GNB5: variants seen among roughly 807,000 people sequenced by gnomAD.
GNB5 encodes the protein G protein subunit beta 5.
GNB5 carries 37 observed loss-of-function variants against 55.3 expected under a neutral mutation model. The observed-to-expected ratio is 0.67, with a 90% confidence interval of 0.51 to 0.88. The LOEUF (loss-of-function observed/expected upper bound fraction) is 0.88. Among genes scored for constraint, GNB5 ranks in the 40% least tolerant of loss-of-function variants. The pLI is 0.00. For synonymous variants in GNB5, 219 were observed against 198.5 expected (o/e 1.10, Z -0.87); for missense variants, 476 against 515.3 (o/e 0.92, Z 0.74).
chr15:52,128,926 G>C, intron 9 of GNB5: 1 of 322,536 alleles, frequency 3.1e-6, no homozygotes, highest in Non-Finnish European at 6.1e-6. Flanking sequence ...TCACCCAGCT[G>C]TGTTCCCCAC....
chr15:52,142,462 ATTTG>A (rs1056177175), intron 6 of GNB5, among the ~76,000 whole-genome samples: 3 of 151,730 alleles, frequency 2.0e-5, no homozygotes, highest in African/African-American at 4.8e-5. Context: ...ACACCCATAA[ATTTG>A]TTTTTTTTTC....
intron 3 of GNB5, among the ~76,000 whole-genome samples, chr15:52,172,952 T>TA (rs1300449118): frequency 2.6e-5 from 4 of 152,096 alleles, no homozygotes; most frequent in Non-Finnish European, 5.9e-5. Context: ...TTTTACTGAA[T>TA]AAAAAAAATC....
intron 2 of GNB5, 41 bp downstream of exon 2, chr15:52,184,510 T>G: frequency 6.3e-7 from 1 of 1,584,958 alleles, no homozygotes; most frequent in Non-Finnish European, 8.7e-7. Context: ...CGCTTGACTG[T>G]TTTAAGACAG....
chr15:52,168,651 C>CA (rs2034495690), intron 3 of GNB5, among the ~76,000 whole-genome samples: 1 of 152,088 alleles, frequency 6.6e-6, no homozygotes, highest in African/African-American at 2.4e-5. Flanking sequence ...AAAGAGAGCC[C>CA]ATATAGCCAA....
At chr15:52,128,648 G>A (rs1048355616) in intron 9 of GNB5, 9 of 480,700 alleles carry the variant, frequency 1.9e-5, no homozygotes, top group South Asian at 4.6e-5. Context: ...TACTACCTGC[G>A]ATACTTTTGG....
In GNB5 at chr15:52,124,556, CA is replaced by C. The variant is rs1261069673; in HGVS notation, c.1092del (p.Phe364LeufsTer57). 3 of 1,613,630 alleles carry C rather than the reference CA, an allele frequency of 1.9e-6. No homozygotes were observed. The highest frequency in any genetic ancestry group is 2.2e-5 in the South Asian group (2 of 91,080). On this transcript the variant is annotated frameshift_variant, in exon 12 of 13. Coordinates refer to ENST00000261837, the MANE Select transcript of GNB5 (RefSeq NM_016194.4). LOFTEE classifies it high-confidence loss of function. ...AGAGTGCTAACGCGGTTTTCATGTC[CA>C]AACAGGATGGAGACCCGGGACCCTT... The part of the protein sequence containing the change: ...VLKGSRVSIL[F>X]GHENRVSTLR...
In GNB5 at chr15:52,148,803, C is replaced by A. The variant is rs2034031807; in HGVS notation, c.417+1081G>T. Among the ~76,000 whole-genome samples, 8 of 152,322 alleles carry A rather than the reference C, an allele frequency of 5.3e-5. No homozygotes were observed. The South Asian group carries it at 1.5e-3, about 28-fold the overall frequency. The stretch of plus-strand genomic sequence containing the variant: ...TTCAGAGGCCAAGAATAATCTACTG[C>A]TCTCCAGAGAACGAGCTGAGGTAGC... On this transcript the variant is annotated intron_variant, in intron 5 of 12. Transcript: ENST00000261837.
At chr15:52,164,201 G>A (rs576353921) in intron 3 of GNB5, among the ~76,000 whole-genome samples, 9 of 151,616 alleles carry the variant, frequency 5.9e-5, no homozygotes, top group Non-Finnish European at 1.0e-4. Flanking sequence ...CCAGCTACTC[G>A]GGGGGCTGAG....
chr15:52,121,600 T>C lies in GNB5; in HGVS notation c.*1157A>G, dbSNP rs1170458362. 2.0e-5 allele frequency: 3 copies of C among 148,042 alleles called. No homozygotes were observed. The highest frequency in any genetic ancestry group is 7.6e-5 in the African/African-American group (3 of 39,328). 9.2% of individuals were successfully genotyped at this position (148,042 alleles called of 1,614,324 possible). A position where few individuals can be genotyped will look rare whatever the true frequency, so the allele number is the denominator to read the frequency against. On this transcript the variant is annotated 3_prime_UTR_variant, in exon 13 of 13. Transcript: ENST00000261837. ...GTAATTATAATTGCAATGCAATACA[T>C]ATGAATATAATTTTTTTTTTTTTTT...
At chr15:52,135,013 C>G (rs1311674045) in intron 8 of GNB5, among the ~76,000 whole-genome samples, 1 of 151,994 alleles carries the variant, frequency 6.6e-6, no homozygotes, top group Admixed American at 6.6e-5. Context: ...AAAGCCCTGA[C>G]CCAGGCACCC....
chr15:52,124,422 C>G, intron 12 of GNB5, 51 bp downstream of exon 12: 3 of 1,460,832 alleles, frequency 2.1e-6, no homozygotes, highest in Non-Finnish European at 2.8e-6. Flanking sequence ...AGGCCTGTCA[C>G]CAGTCCTCTC....
At chr15:52,178,785 G>A (rs147633446) in intron 3 of GNB5, among the ~76,000 whole-genome samples, 31 of 152,328 alleles carry the variant, frequency 2.0e-4, no homozygotes, top group Admixed American at 1.6e-3. Flanking sequence ...AAAGGCCCTA[G>A]CACGAACCCC....
intron 9 of GNB5, among the ~76,000 whole-genome samples, chr15:52,132,739 G>C (rs188122438): frequency 6.6e-6 from 1 of 150,964 alleles, no homozygotes; most frequent in Admixed American, 6.6e-5. Flanking sequence ...TCCCAACAGA[G>C]CGATCTTTTA....
chr15:52,187,281 G>A (rs759968887), intron 1 of GNB5, among the ~76,000 whole-genome samples: 20 of 152,072 alleles, frequency 1.3e-4, no homozygotes, highest in Non-Finnish European at 2.4e-4. Context: ...GCATTAGGAC[G>A]GTGAGCCACA....
rs1330914161 is a variant in GNB5 at position 52,141,131 on chromosome 15, C to A, written c.627+9G>T. ...CAGGTCAACCTGACACCGGGGGCTG[C>A]CTATTTACCTGCATGTCAGAGTTGG... On this transcript the variant is annotated intron_variant, in intron 7 of 12. Transcript: ENST00000261837. The A allele has an allele frequency of 1.2e-6, 2 of 1,613,720 alleles. No homozygotes were observed. Among genetic ancestry groups the A allele is most frequent in the Non-Finnish European group, 1.7e-6 (2 of 1,179,756 alleles).
At chr15:52,126,517 G>A (rs1358062412) in intron 10 of GNB5, among the ~76,000 whole-genome samples, 1 of 152,000 alleles carries the variant, frequency 6.6e-6, no homozygotes, top group Non-Finnish European at 1.5e-5. Flanking sequence ...ATTAACATTA[G>A]GTTATACGTC....
In GNB5 at chr15:52,154,074, G is replaced by A. The variant is rs772621988; in HGVS notation, c.241C>T (p.His81Tyr). 13 of 1,613,494 alleles carry A rather than the reference G, an allele frequency of 8.1e-6. No homozygotes were observed. The African/African-American group carries it at 1.5e-4, about 18-fold the overall frequency. ...ERAKLHDVEL[H>Y]QVAERVEALG... ...GCCTCCACCCGCTCCGCCACCTGGTGCACTGGAATGACAAGGCCATAGTCA... is the reference window on the plus strand; with the variant it reads ...GCCTCCACCCGCTCCGCCACCTGGTACACTGGAATGACAAGGCCATAGTCA... The change falls in exon 4 of 13, where the codon CAC becomes TAC. Residue 81 changes from histidine to tyrosine, a missense_variant and splice_region_variant. By Grantham distance (83) the His-to-Tyr change is moderately conservative. Coordinates refer to ENST00000261837, the MANE Select transcript of GNB5 (RefSeq NM_016194.4).
At chr15:52,169,974 TG>T (rs1394024071) in intron 3 of GNB5, among the ~76,000 whole-genome samples, 1 of 152,180 alleles carries the variant, frequency 6.6e-6, no homozygotes, top group Non-Finnish European at 1.5e-5. Flanking sequence ...TCAATATCAC[TG>T]ATCATTAGAG....
intron 3 of GNB5, among the ~76,000 whole-genome samples, chr15:52,171,404 C>T (rs969915505): frequency 2.6e-5 from 4 of 152,078 alleles, no homozygotes; most frequent in African/African-American, 9.7e-5. Context: ...AAATGGCTAC[C>T]TCTAGGTATT....
Sources: allele counts gnomAD v4.1 joint callset (sites outside exome capture counted in the v4.1 genomes callset), GRCh38; gene constraint gnomAD v4.1.1; transcripts MANE v1.5; gene names NCBI Gene and HGNC (gene_info 2026-07-23, HGNC 2026-07-21).